The following ADCY9 variants were observed in gnomAD, a reference collection of about 807,000 sequenced individuals.
ADCY9 encodes the protein adenylate cyclase 9.
In ADCY9, 50 loss-of-function variants were observed where a neutral mutation model predicts 101.5. The ratio of observed to expected loss-of-function variants is 0.49; its 90% confidence interval spans 0.39 to 0.62. The LOEUF is 0.62. ADCY9 is among the 20% of genes least tolerant of loss of function. The pLI, the probability that ADCY9 is intolerant of heterozygous loss-of-function variation, is 0.00. For missense variants in ADCY9, 1,662 were observed against 1,800.4 expected (o/e 0.92, Z 1.39); for synonymous variants, 905 against 769.3 (o/e 1.18, Z -2.92).
chr16:3,999,318 C>A (rs1029149793), intron 3 of ADCY9, among the ~76,000 whole-genome samples: 1 of 152,168 alleles, frequency 6.6e-6, no homozygotes, highest in African/African-American at 2.4e-5. Context: ...GTGAACAAGT[C>A]GGGCCCCCAT....
chr16:3,986,941 G>A (rs528256543), intron 6 of ADCY9, among the ~76,000 whole-genome samples: 40 of 152,306 alleles, frequency 2.6e-4, no homozygotes, highest in African/African-American at 8.9e-4. Context: ...ATGGCCTGTG[G>A]CATAAAGTCC....
At chr16:3,975,067 C>G (rs1263818763) in intron 9 of ADCY9, among the ~76,000 whole-genome samples, 1 of 152,190 alleles carries the variant, frequency 6.6e-6, no homozygotes, top group East Asian at 1.9e-4. Flanking sequence ...GAACTCTGGG[C>G]ACAAAGGCGG....
chr16:3,993,643 T>C (rs2056264982), intron 3 of ADCY9, 133 bp from the exon 4 acceptor site: 1 of 1,129,552 alleles, frequency 8.9e-7, no homozygotes, highest in Non-Finnish European at 1.3e-6. Context: ...ACAGAACCGC[T>C]CGGGGATGAG....
chr16:3,956,705 G>C (rs2055908688), intron 5 of ADCY9, among the ~76,000 whole-genome samples: 2 of 150,724 alleles, frequency 1.3e-5, no homozygotes, highest in Non-Finnish European at 2.9e-5. Context: ...ATGTTGGCCA[G>C]GCTGGACTCG....
chr16:4,057,749 G>A (rs775385841), intron 2 of ADCY9, among the ~76,000 whole-genome samples: 1 of 152,144 alleles, frequency 6.6e-6, no homozygotes, highest in Non-Finnish European at 1.5e-5. Context: ...GAGGCCCGGG[G>A]AGCATTTACG....
At position 3,956,431 on chromosome 16, in the gene ADCY9, A is replaced by G. The variant is rs117792294; in HGVS notation, c.568-2915T>C. On this transcript the variant is annotated intron_variant, in intron 5 of 5. Transcript: ENST00000576936. ...TTAGGGAAAACTGATTTTGCATTAA[A>G]GGAACATCTTCTGTTTCTGTTAAAC... Among the ~76,000 whole-genome samples the G allele has an allele frequency of 1.2e-4, 18 of 149,550 alleles. No homozygotes were observed. In the East Asian group the frequency reaches 3.1e-3, roughly 26 times the overall value.
chr16:4,102,317 G>A (rs407642), intron 2 of ADCY9, among the ~76,000 whole-genome samples: 7 of 151,886 alleles, frequency 4.6e-5, no homozygotes, highest in Non-Finnish European at 8.8e-5. Flanking sequence ...CCATACAACC[G>A]AGAATTAAGC....
At chr16:3,987,006 C>A (rs1336605317) in intron 6 of ADCY9, among the ~76,000 whole-genome samples, 2 of 152,250 alleles carry the variant, frequency 1.3e-5, no homozygotes, top group Admixed American at 6.5e-5. Flanking sequence ...CCTGCCCCAC[C>A]CTGCCCCGGA....
chr16:4,111,553 G>A (rs2057113890), intron 2 of ADCY9, among the ~76,000 whole-genome samples: 1 of 152,098 alleles, frequency 6.6e-6, no homozygotes, highest in South Asian at 2.1e-4. Flanking sequence ...AGCTTTGTAA[G>A]GACAGTTTCC....
chr16:4,084,380 G>A (rs528462458), intron 2 of ADCY9, among the ~76,000 whole-genome samples: 7 of 152,106 alleles, frequency 4.6e-5, no homozygotes, highest in African/African-American at 1.7e-4. Flanking sequence ...CCAAAGTGCT[G>A]GGTTTACAGG....
At chr16:4,014,603 A>C (rs980302369) in intron 2 of ADCY9, among the ~76,000 whole-genome samples, 1 of 151,750 alleles carries the variant, frequency 6.6e-6, no homozygotes, top group Non-Finnish European at 1.5e-5. Flanking sequence ...GTGTGCCACC[A>C]TGCCTGGCTA....
rs552374811 is a variant in ADCY9 at position 3,986,222 on chromosome 16, G to A, written c.2310+2772C>T. On this transcript the variant is annotated intron_variant, in intron 6 of 10. Coordinates refer to ENST00000294016, the MANE Select transcript of ADCY9 (RefSeq NM_001116.4). ...ATAAACCAGTACTTGCACCTTGTGGGCGGTGGGATGCTCGGCTAAGAACGC... is the reference window on the plus strand; with the variant it reads ...ATAAACCAGTACTTGCACCTTGTGGACGGTGGGATGCTCGGCTAAGAACGC... Among the ~76,000 whole-genome samples, 29 of 152,338 alleles carry A rather than the reference G, an allele frequency of 1.9e-4. 1 individual carries two copies. The highest frequency in any genetic ancestry group is 5.5e-4 in the African/African-American group (23 of 41,582).
intron 2 of ADCY9, among the ~76,000 whole-genome samples, chr16:4,093,916 TCC>T (rs1431991869): frequency 2.0e-5 from 3 of 152,172 alleles, no homozygotes; most frequent in Non-Finnish European, 4.4e-5. Flanking sequence ...CTGGAACTTC[TCC>T]CAGGAGTCTA....
At chr16:3,991,860 A>G (rs568780972) in intron 5 of ADCY9, among the ~76,000 whole-genome samples, 1 of 150,452 alleles carries the variant, frequency 6.6e-6, no homozygotes, top group Non-Finnish European at 1.5e-5. Flanking sequence ...ACCCGAGGTC[A>G]GGAGTATGGA....
chr16:3,961,745 G>A (rs1325216194), downstream of ADCY9, among the ~76,000 whole-genome samples: 4 of 152,102 alleles, frequency 2.6e-5, no homozygotes, highest in Non-Finnish European at 4.4e-5. Flanking sequence ...AACTTACCAG[G>A]CCGGGCACAG....
rs1005719848 is a variant in ADCY9 at position 3,965,187 on chromosome 16, T to G, written c.*588A>C. ...GAAAGTGCGGGTGGGCAATGGGGGG[T>G]GGCGGAGCTGTCGTGACATGCCCCC... On this transcript the variant is annotated 3_prime_UTR_variant, in exon 11 of 11. Transcript: ENST00000294016. 2 of 154,514 alleles carry G rather than the reference T, an allele frequency of 1.3e-5. No homozygotes were observed. Among genetic ancestry groups the G allele is most frequent in the South Asian group, 2.0e-4 (1 of 4,902 alleles). 9.6% of individuals were successfully genotyped at this position (154,514 alleles called of 1,614,324 possible). A position where few individuals can be genotyped will look rare whatever the true frequency, so the allele number is the denominator to read the frequency against.
At chr16:4,087,855 C>T (rs2283499) in intron 2 of ADCY9, among the ~76,000 whole-genome samples, 47,736 of 149,700 alleles carry the variant, frequency 0.32, 8,344 homozygotes, top group Admixed American at 0.41. Flanking sequence ...TTTCTCTTTT[C>T]TTTGTTTCTC....
intron 2 of ADCY9, among the ~76,000 whole-genome samples, chr16:4,064,839 T>G (rs2056791643): frequency 6.6e-6 from 1 of 152,128 alleles, no homozygotes; most frequent in Admixed American, 6.5e-5. Context: ...GAAAAAAATG[T>G]ACAACTAATT....
chr16:4,012,430 C>T (rs889495861), intron 2 of ADCY9, among the ~76,000 whole-genome samples: 1 of 145,990 alleles, frequency 6.8e-6, no homozygotes, highest in Non-Finnish European at 1.5e-5. Context: ...CACATGGACC[C>T]TGGGGTCCAA....
Sources: allele counts gnomAD v4.1 joint callset (sites outside exome capture counted in the v4.1 genomes callset), GRCh38; gene constraint gnomAD v4.1.1; transcripts MANE v1.5; gene names NCBI Gene and HGNC (gene_info 2026-07-23, HGNC 2026-07-21).